The following KIF3B variants were observed in gnomAD, a reference collection of about 807,000 sequenced individuals.
The protein encoded by KIF3B is kinesin family member 3B.
KIF3B carries 38 observed loss-of-function variants against 74.3 expected under a neutral mutation model. The observed-to-expected ratio is 0.51, with a 90% CI of 0.39 to 0.67. The LOEUF is 0.67. KIF3B is among the 30% of genes least tolerant of loss of function. KIF3B has a pLI of 0.00. For synonymous variants in KIF3B, 326 were observed against 342.5 expected (o/e 0.95, Z 0.53); for missense variants, 649 against 932.0 (o/e 0.70, Z 3.95).
rs150962068 is a variant in KIF3B at position 32,319,537 on chromosome 20, C to CAT, written c.1748+2664_1748+2665insTA. Among the ~76,000 whole-genome samples, 975 of 144,516 alleles carry CAT rather than the reference C, an allele frequency of 6.7e-3. 8 individuals are homozygous for CAT. The highest frequency in any genetic ancestry group is 9.1e-3 in the Non-Finnish European group (608 of 66,548). The allele number at this position is 144,516 out of a possible 152,430, so 94.8% of individuals were successfully genotyped here. A position where few individuals can be genotyped will look rare whatever the true frequency, so the allele number is the denominator to read the frequency against. Reference sequence around the variant, plus strand: ...AATATATATATTTCATACACACACACACACACATATGTGTATATATATAGT... The same window carrying CAT: ...AATATATATATTTCATACACACACACATACACACATATGTGTATATATATAGT... On this transcript the variant is annotated intron_variant, in intron 5 of 8. Transcript: ENST00000375712.
Position 32,289,969 on chromosome 20 carries a change from T to G in KIF3B, c.-66+12204T>G, listed in dbSNP as rs559826200. On this transcript the variant is annotated intron_variant, in intron 1 of 8. Coordinates refer to ENST00000375712, the MANE Select transcript of KIF3B (RefSeq NM_004798.4). Reference sequence around the variant, plus strand: ...TGGGTCAGGGCAGAGTTACCACTTGTGGGCCAGACGCTTGCTGCCTGTCTT... The same window carrying G: ...TGGGTCAGGGCAGAGTTACCACTTGGGGGCCAGACGCTTGCTGCCTGTCTT... 3.9e-5 allele frequency among the ~76,000 whole-genome samples: 6 copies of G among 152,250 alleles called. No homozygotes were observed. The South Asian group carries it at 1.0e-3, about 26-fold the overall frequency.
At chr20:32,320,190 C>T (rs2047852746) in intron 5 of KIF3B, among the ~76,000 whole-genome samples, 1 of 152,106 alleles carries the variant, frequency 6.6e-6, no homozygotes, top group Non-Finnish European at 1.5e-5. Flanking sequence ...CCACTGTGCC[C>T]GGCTGAGTTT....
At chr20:32,297,043 C>T (rs1056358576) in intron 1 of KIF3B, among the ~76,000 whole-genome samples, 3 of 152,172 alleles carry the variant, frequency 2.0e-5, no homozygotes, top group Admixed American at 6.5e-5. Flanking sequence ...CTGCTTCCCC[C>T]GAGAGAAGCC....
intron 1 of KIF3B, among the ~76,000 whole-genome samples, chr20:32,284,527 G>A (rs1022718288): frequency 2.6e-5 from 4 of 152,062 alleles, no homozygotes; most frequent in Admixed American, 2.0e-4. Flanking sequence ...AGTGGCTCAC[G>A]CTTGTAATCC....
At position 32,316,195 on chromosome 20, in the gene KIF3B, A is replaced by C. The variant is rs771633691; in HGVS notation, c.1405-23A>C. 4.6e-6 allele frequency: 6 copies of C among 1,305,470 alleles called. No individual in the cohort carries two copies. In the East Asian group the frequency reaches 1.4e-4, roughly 30 times the overall value. The allele number at this position is 1,305,470 out of a possible 1,614,324, so 80.9% of individuals were successfully genotyped here. ...CTGAGAGAAACCGTTCATGAGATGG[A>C]TTCTACTTTGTTTCTCACTCAGGCC... On this transcript the variant is annotated intron_variant, in intron 2 of 8. Coordinates refer to ENST00000375712, the MANE Select transcript of KIF3B (RefSeq NM_004798.4).
chr20:32,279,758 C>T (rs1413288992), intron 1 of KIF3B, among the ~76,000 whole-genome samples: 1 of 152,216 alleles, frequency 6.6e-6, no homozygotes, highest in East Asian at 1.9e-4. Context: ...GCCACTGTGC[C>T]CAGCCTGAGA....
At chr20:32,322,786 ATATT>A (rs1327342466) in intron 5 of KIF3B, among the ~76,000 whole-genome samples, 1 of 65,148 alleles carries the variant, frequency 1.5e-5, no homozygotes, top group Non-Finnish European at 2.4e-5. Context: ...ATATTTATAT[ATATT>A]TATATATATA....
chr20:32,324,287 T>C (rs1308206986), intron 5 of KIF3B, among the ~76,000 whole-genome samples: 1 of 152,166 alleles, frequency 6.6e-6, no homozygotes, highest in Non-Finnish European at 1.5e-5. Context: ...TAATGATGTC[T>C]GAGCCCCACC....
chr20:32,291,421 A>G (rs1221319386), intron 1 of KIF3B, among the ~76,000 whole-genome samples: 1 of 152,024 alleles, frequency 6.6e-6, no homozygotes, highest in Non-Finnish European at 1.5e-5. Context: ...TGGCAATCCT[A>G]TTTTACCTAT....
At chr20:32,284,724 G>A (rs984476186) in intron 1 of KIF3B, among the ~76,000 whole-genome samples, 1 of 152,188 alleles carries the variant, frequency 6.6e-6, no homozygotes, top group Non-Finnish European at 1.5e-5. Context: ...GATGTTTCCT[G>A]TGCACATTAA....
At chr20:32,300,041 A>G (rs1331307290) in intron 1 of KIF3B, among the ~76,000 whole-genome samples, 3 of 151,624 alleles carry the variant, frequency 2.0e-5, no homozygotes, top group Non-Finnish European at 2.9e-5. Context: ...CTCCCAAAGT[A>G]CTGGGGTTAT....
At chr20:32,285,444 C>G (rs1016216663) in intron 1 of KIF3B, among the ~76,000 whole-genome samples, 7 of 152,206 alleles carry the variant, frequency 4.6e-5, no homozygotes, top group Admixed American at 2.0e-4. Flanking sequence ...TCAGTTTTCT[C>G]TCTCTGCCCT....
intron 2 of KIF3B, among the ~76,000 whole-genome samples, chr20:32,312,384 C>T (rs931880397): frequency 1.3e-5 from 2 of 152,070 alleles, no homozygotes; most frequent in South Asian, 4.1e-4. Flanking sequence ...GGATTACAGG[C>T]GTGAGCCACT....
chr20:32,302,142 C>T (rs1331452642), intron 1 of KIF3B, among the ~76,000 whole-genome samples: 2 of 152,124 alleles, frequency 1.3e-5, no homozygotes, highest in Non-Finnish European at 2.9e-5. Context: ...GGAAGAATAA[C>T]AAAGGTAATA....
At chr20:32,323,181 T>G (rs1226216594) in intron 5 of KIF3B, among the ~76,000 whole-genome samples, 1 of 128,174 alleles carries the variant, frequency 7.8e-6, no homozygotes, top group African/African-American at 2.9e-5. Flanking sequence ...TTTATATATT[T>G]ATATATATTT....
chr20:32,316,502 T>C, intron 3 of KIF3B, 25 bp from the exon 4 acceptor site: 1 of 1,613,598 alleles, frequency 6.2e-7, no homozygotes, highest in Non-Finnish European at 8.5e-7. Flanking sequence ...TAGGGCAAGC[T>C]GATGAATTTT....
chr20:32,307,391 T>G (rs979345890), intron 1 of KIF3B, among the ~76,000 whole-genome samples: 19 of 152,220 alleles, frequency 1.2e-4, no homozygotes, highest in African/African-American at 4.6e-4. Flanking sequence ...AATAACTGCA[T>G]AGGATTCCAC....
At chr20:32,283,328 AC>A (rs2047652636) in intron 1 of KIF3B, among the ~76,000 whole-genome samples, 1 of 152,012 alleles carries the variant, frequency 6.6e-6, no homozygotes, top group African/African-American at 2.4e-5. Flanking sequence ...ACATGGTGAA[AC>A]CCCTTCTTTA....
At chr20:32,313,062 C>T (rs1304646144) in intron 2 of KIF3B, among the ~76,000 whole-genome samples, 1 of 152,164 alleles carries the variant, frequency 6.6e-6, no homozygotes, top group Non-Finnish European at 1.5e-5. Flanking sequence ...TTATAGTCAG[C>T]CTCCTCTCCC....
Sources: allele counts gnomAD v4.1 joint callset (sites outside exome capture counted in the v4.1 genomes callset), GRCh38; gene constraint gnomAD v4.1.1; transcripts MANE v1.5; gene names NCBI Gene and HGNC (gene_info 2026-07-23, HGNC 2026-07-21).